SFMBT2: variants seen among roughly 807,000 people sequenced by gnomAD.
SFMBT2 encodes scm-like with four MBT domains protein 2.
Under a neutral mutation model 110.1 loss-of-function variants are expected in SFMBT2, and 38 were observed. The ratio of observed to expected loss-of-function variants is 0.35; its 90% CI spans 0.27 to 0.45. The LOEUF (loss-of-function observed/expected upper bound fraction) is 0.45, where lower values mean the gene tolerates loss of function less well. Ranked by LOEUF, SFMBT2 falls within the 20% of genes least tolerant of loss-of-function variation. The pLI is 1.00. For missense variants in SFMBT2, 1,011 were observed against 1,094.9 expected (o/e 0.92, Z 1.08); for synonymous variants, 425 against 425.4 (o/e 1.00, Z 0.01).
At chr10:7,227,586 T>C (rs1239286295) in intron 10 of SFMBT2, among the ~76,000 whole-genome samples, 1 of 152,220 alleles carries the variant, frequency 6.6e-6, no homozygotes. Context: ...AGGAAGACCC[T>C]GGGCTCTTCC....
In SFMBT2 at chr10:7,172,023, G is replaced by C; in HGVS notation, c.2287C>G (p.Leu763Val). The change falls in exon 19 of 21, where the codon CTG becomes GTG. Residue 763 changes from leucine (L) to valine (V), a missense_variant. Coordinates refer to ENST00000397167, the MANE Select transcript of SFMBT2 (RefSeq NM_001387889.1). This position sits in a 1 kb window ranked among gnomAD's most constrained non-coding sequence, Gnocchi z 4.6. ...PSARPRRAVT[L>V]RSGSEPVRRP... ...CGCACGGGCTCTGAGCCGCTCCGCAGGGTGACGGCCCTCCGGGGCCGGGCC... is the reference window on the plus strand; with the variant it reads ...CGCACGGGCTCTGAGCCGCTCCGCACGGTGACGGCCCTCCGGGGCCGGGCC... 6.3e-7 allele frequency: 1 copy of C among 1,585,090 alleles called. No individual in the cohort carries two copies. The highest frequency in any genetic ancestry group is 8.6e-7 in the Non-Finnish European group (1 of 1,167,368).
intron 4 of SFMBT2, among the ~76,000 whole-genome samples, chr10:7,322,334 A>C (rs1320082982): frequency 6.6e-6 from 1 of 152,110 alleles, no homozygotes; most frequent in Non-Finnish European, 1.5e-5. Flanking sequence ...GAGTTCATTA[A>C]ACCTCTTATT....
intron 9 of SFMBT2, among the ~76,000 whole-genome samples, chr10:7,231,068 C>A (rs1840102289): frequency 6.6e-6 from 1 of 152,084 alleles, no homozygotes; most frequent in African/African-American, 2.4e-5. Context: ...TTTTTTCCCC[C>A]AACTCTCTGT....
intron 17 of SFMBT2, among the ~76,000 whole-genome samples, chr10:7,173,285 G>A (rs1837946955): frequency 6.6e-6 from 1 of 152,192 alleles, no homozygotes; most frequent in South Asian, 2.1e-4. Flanking sequence ...TACAGTGGTG[G>A]CAATGACATC....
At chr10:7,370,043 T>C (rs941680214) in intron 3 of SFMBT2, among the ~76,000 whole-genome samples, 3 of 152,174 alleles carry the variant, frequency 2.0e-5, no homozygotes, top group Non-Finnish European at 2.9e-5. Context: ...ATATTTTTTG[T>C]AGGGATGGGA....
At chr10:7,342,766 C>T (rs1347900065) in intron 4 of SFMBT2, among the ~76,000 whole-genome samples, 2 of 152,130 alleles carry the variant, frequency 1.3e-5, no homozygotes, top group Non-Finnish European at 2.9e-5. Context: ...TATAATCACT[C>T]GTGTCCATAT....
At chr10:7,164,141 C>G (rs1837629321) in intron 20 of SFMBT2, 1 of 982,218 alleles carries the variant, frequency 1.0e-6, no homozygotes, top group Non-Finnish European at 1.2e-6. Flanking sequence ...AATTCCAGCA[C>G]TTTGGAAGGC....
intron 15 of SFMBT2, among the ~76,000 whole-genome samples, chr10:7,196,314 G>T (rs936433567): frequency 1.3e-5 from 2 of 152,138 alleles, no homozygotes; most frequent in East Asian, 3.9e-4. Context: ...TTATGCCACG[G>T]TTTATCTCCA....
At chr10:7,185,293 T>C (rs1170261314) in intron 16 of SFMBT2, among the ~76,000 whole-genome samples, 1 of 152,192 alleles carries the variant, frequency 6.6e-6, no homozygotes, top group Non-Finnish European at 1.5e-5. Flanking sequence ...GACAGCAAAC[T>C]ACATACACTT....
At chr10:7,326,979 A>T (rs1287520893) in intron 4 of SFMBT2, among the ~76,000 whole-genome samples, 1 of 152,182 alleles carries the variant, frequency 6.6e-6, no homozygotes, top group Non-Finnish European at 1.5e-5. Context: ...TAAATAAAAG[A>T]CAAACATAGG....
At chr10:7,329,825 TCTCA>T (rs764866551) in intron 4 of SFMBT2, among the ~76,000 whole-genome samples, 7 of 152,174 alleles carry the variant, frequency 4.6e-5, no homozygotes, top group Non-Finnish European at 8.8e-5. Context: ...TGTCACCTTC[TCTCA>T]CTCAGCCTTG....
At chr10:7,303,711 AC>A (rs1232920356) in intron 4 of SFMBT2, among the ~76,000 whole-genome samples, 3 of 152,160 alleles carry the variant, frequency 2.0e-5, no homozygotes, top group African/African-American at 7.2e-5. Context: ...CCTTTCAATA[AC>A]CACTCCTCAT....
chr10:7,280,734 C>A (rs991333307), intron 6 of SFMBT2, among the ~76,000 whole-genome samples: 7 of 152,188 alleles, frequency 4.6e-5, no homozygotes, highest in Non-Finnish European at 7.3e-5. Flanking sequence ...AAGGTGGTTT[C>A]TTTCCCCTCC....
At position 7,170,832 on chromosome 10, in the gene SFMBT2, T is replaced by C. The variant is rs1209628911; in HGVS notation, c.2544+96A>G. ...TGCCGAGCAGCGCCGAAGAACCCCC[T>C]CGCAGGTGTCACGAGGAAGCCGGCT... On this transcript the variant is annotated intron_variant, in intron 20 of 20. Coordinates refer to ENST00000397167, the MANE Select transcript of SFMBT2 (RefSeq NM_001387889.1). The surrounding 1 kb of genome is among the most constrained non-coding windows in gnomAD (Gnocchi z 4.6). The C allele has an allele frequency of 6.8e-7, 1 of 1,476,478 alleles. No homozygotes were observed. The highest frequency in any genetic ancestry group is 9.3e-7 in the Non-Finnish European group (1 of 1,072,318). The allele number at this position is 1,476,478 out of a possible 1,614,324, so 91.5% of individuals were successfully genotyped here.
At chr10:7,166,794 GA>G (rs1389696054) in intron 20 of SFMBT2, among the ~76,000 whole-genome samples, 2 of 152,172 alleles carry the variant, frequency 1.3e-5, no homozygotes, top group Non-Finnish European at 2.9e-5. Context: ...TAGTTCCCTG[GA>G]ACATAGAATT....
chr10:7,373,772 C>G (rs1845125455), intron 2 of SFMBT2, among the ~76,000 whole-genome samples: 1 of 152,152 alleles, frequency 6.6e-6, no homozygotes, highest in Admixed American at 6.5e-5. Context: ...CCGTGGCCAC[C>G]TGCGAAGAGG....
chr10:7,193,019 A>G (rs895024739), intron 15 of SFMBT2, among the ~76,000 whole-genome samples: 1 of 152,354 alleles, frequency 6.6e-6, no homozygotes, highest in East Asian at 1.9e-4. Context: ...CCTGGGTGCC[A>G]GGCTTCCTGG....
chr10:7,184,733 T>C (rs1457115306), intron 16 of SFMBT2, among the ~76,000 whole-genome samples: 1 of 152,022 alleles, frequency 6.6e-6, no homozygotes, highest in Non-Finnish European at 1.5e-5. Context: ...TTTTAACAAA[T>C]CTCGTCAGGC....
At chr10:7,295,017 A>T (rs1386287726) in intron 4 of SFMBT2, 1 of 152,196 alleles carries the variant, frequency 6.6e-6, no homozygotes, top group Admixed American at 6.5e-5. Context: ...ACTATTTGTT[A>T]GCCCACATAT....
Sources: gnomAD v4.1 joint callset for allele counts (sites outside exome capture counted in the v4.1 genomes callset) on GRCh38, gnomAD v4.1.1 for gene constraint, Gnocchi (gnomAD v3.1) non-coding constraint, MANE v1.5 for transcripts, NCBI Gene and HGNC (gene_info 2026-07-23, HGNC 2026-07-21) for gene names.